The following ALCAM variants were observed in gnomAD, a reference collection of about 807,000 sequenced individuals.
ALCAM encodes activated leukocyte cell adhesion molecule.
ALCAM carries 30 observed loss-of-function variants against 70.9 expected under a neutral mutation model. The ratio of observed to expected loss-of-function variants is 0.42; its 90% CI spans 0.32 to 0.57. The LOEUF is 0.57. ALCAM is among the 20% of genes least tolerant of loss of function. The pLI, the probability that ALCAM is intolerant of heterozygous loss-of-function variation, is 0.11. For synonymous variants in ALCAM, 249 were observed against 242.5 expected (o/e 1.03, Z -0.25); for missense variants, 591 against 695.1 (o/e 0.85, Z 1.68).
intron 14 of ALCAM, among the ~76,000 whole-genome samples, chr3:105,561,913 C>T (rs947363585): frequency 3.3e-5 from 5 of 152,166 alleles, no homozygotes; most frequent in African/African-American, 1.2e-4. Flanking sequence ...TGGAGTATGG[C>T]CAACCTGAAA....
At chr3:105,385,417 AG>A in intron 1 of ALCAM, among the ~76,000 whole-genome samples, 1 of 151,690 alleles carries the variant, frequency 6.6e-6, no homozygotes, top group East Asian at 1.9e-4. Context: ...AAGAAAGATA[AG>A]ATGAAAAGCC....
intron 1 of ALCAM, among the ~76,000 whole-genome samples, chr3:105,483,440 C>T (rs1938328468): frequency 6.6e-6 from 1 of 152,036 alleles, no homozygotes; most frequent in South Asian, 2.1e-4. Context: ...GGGTGACTCC[C>T]AAGTGCCCAA....
intron 1 of ALCAM, among the ~76,000 whole-genome samples, chr3:105,406,178 C>T (rs1048354293): frequency 1.3e-5 from 2 of 152,190 alleles, no homozygotes; most frequent in Non-Finnish European, 2.9e-5. Flanking sequence ...ACTTAATCTA[C>T]ATGGGTCCAG....
In ALCAM at chr3:105,571,805, G is replaced by T; in HGVS notation, c.1665-47G>T. 3 of 1,304,064 alleles carry T rather than the reference G, an allele frequency of 2.3e-6. No homozygotes were observed. The South Asian group carries it at 4.2e-5, about 18-fold the overall frequency. 80.8% of individuals were successfully genotyped at this position (1,304,064 alleles called of 1,614,324 possible). A position where few individuals can be genotyped will look rare whatever the true frequency, so the allele number is the denominator to read the frequency against. On this transcript the variant is annotated intron_variant, in intron 14 of 15. Transcript: ENST00000306107. ...AATCTTAAAATTAAATATAAAAGTT[G>T]AACATGTATGTGTCAATATGATGAA...
chr3:105,459,269 G>T (rs1937573039), intron 1 of ALCAM, among the ~76,000 whole-genome samples: 1 of 152,008 alleles, frequency 6.6e-6, no homozygotes, highest in East Asian at 1.9e-4. Flanking sequence ...AAGACTTCTT[G>T]TCACTTCTTC....
At chr3:105,561,484 C>T (rs1940630727) in intron 14 of ALCAM, among the ~76,000 whole-genome samples, 1 of 152,008 alleles carries the variant, frequency 6.6e-6, no homozygotes, top group Non-Finnish European at 1.5e-5. Context: ...TCAATAGTTA[C>T]CATTATGTAC....
chr3:105,422,464 G>A (rs939988062), intron 1 of ALCAM, among the ~76,000 whole-genome samples: 10 of 151,206 alleles, frequency 6.6e-5, no homozygotes, highest in Admixed American at 4.6e-4. Context: ...TATGCCAATT[G>A]CCAATTAAAG....
chr3:105,423,159 A>C (rs1405691656), intron 1 of ALCAM, among the ~76,000 whole-genome samples: 1 of 151,408 alleles, frequency 6.6e-6, no homozygotes, highest in Non-Finnish European at 1.5e-5. Context: ...GTTTTATTGC[A>C]ATAATTTATT....
chr3:105,420,685 C>G (rs1431166565), intron 1 of ALCAM, among the ~76,000 whole-genome samples: 2 of 151,642 alleles, frequency 1.3e-5, no homozygotes, highest in African/African-American at 4.8e-5. Flanking sequence ...AGGCAGCTAC[C>G]AGCTTCTAAA....
intron 1 of ALCAM, among the ~76,000 whole-genome samples, chr3:105,370,305 A>T (rs566314320): frequency 6.6e-5 from 10 of 152,282 alleles, no homozygotes; most frequent in East Asian, 3.9e-4. Flanking sequence ...ATATATATAT[A>T]TTTTTTCCTT....
chr3:105,544,483 AT>A (rs1391597171), intron 8 of ALCAM: 4 of 151,716 alleles, frequency 2.6e-5, no homozygotes, highest in African/African-American at 9.6e-5. Context: ...TGAACTCCAA[AT>A]CAGTGTCAGG....
chr3:105,413,700 C>G (rs1334485423), intron 1 of ALCAM, among the ~76,000 whole-genome samples: 1 of 152,142 alleles, frequency 6.6e-6, no homozygotes, highest in Non-Finnish European at 1.5e-5. Context: ...AGACTTAATA[C>G]TGAATAAGTA....
intron 1 of ALCAM, among the ~76,000 whole-genome samples, chr3:105,484,566 T>C (rs1938369405): frequency 2.0e-5 from 3 of 152,070 alleles, no homozygotes; most frequent in Non-Finnish European, 4.4e-5. Flanking sequence ...TTGAAAAATA[T>C]TTACCAAAAC....
chr3:105,439,536 T>C (rs1937126769), intron 1 of ALCAM: 1 of 152,206 alleles, frequency 6.6e-6, no homozygotes, highest in African/African-American at 2.4e-5. Flanking sequence ...AGAAATGGTC[T>C]AATTTTGAAA....
intron 1 of ALCAM, among the ~76,000 whole-genome samples, chr3:105,419,886 T>G (rs1234678844): frequency 6.6e-6 from 1 of 151,798 alleles, no homozygotes; most frequent in African/African-American, 2.4e-5. Flanking sequence ...AATAAACATA[T>G]AATTCATTTC....
intron 2 of ALCAM, among the ~76,000 whole-genome samples, chr3:105,521,073 G>A (rs1241157104): frequency 6.6e-6 from 1 of 151,210 alleles, no homozygotes; most frequent in African/African-American, 2.4e-5. Context: ...AGGCCGAGGC[G>A]GGTGGATCAT....
intron 1 of ALCAM, among the ~76,000 whole-genome samples, chr3:105,434,246 T>G (rs1937001005): frequency 6.6e-6 from 1 of 152,182 alleles, no homozygotes; most frequent in Non-Finnish European, 1.5e-5. Flanking sequence ...ATTTGTCACA[T>G]TCTGTGATCA....
At chr3:105,415,423 T>A (rs1381869563) in intron 1 of ALCAM, among the ~76,000 whole-genome samples, 2 of 152,038 alleles carry the variant, frequency 1.3e-5, no homozygotes, top group Non-Finnish European at 2.9e-5. Context: ...CAACAAATAA[T>A]AAATCCCCAG....
intron 14 of ALCAM, among the ~76,000 whole-genome samples, chr3:105,566,908 G>A (rs1940755804): frequency 6.6e-6 from 1 of 151,948 alleles, no homozygotes; most frequent in Non-Finnish European, 1.5e-5. Flanking sequence ...TCCCTTCGAA[G>A]AACTTCCTTT....
Sources: allele counts gnomAD v4.1 joint callset (sites outside exome capture counted in the v4.1 genomes callset), GRCh38; gene constraint gnomAD v4.1.1; transcripts MANE v1.5; gene names NCBI Gene and HGNC (gene_info 2026-07-23, HGNC 2026-07-21).